MSN: variants seen among roughly 807,000 people sequenced by gnomAD.
MSN encodes epididymis luminal protein 70.
A neutral mutation model predicts 48.0 loss-of-function variants in MSN; 2 were observed. The ratio of observed to expected loss-of-function variants is 0.04; its 90% CI spans 0.02 to 0.13. The LOEUF is 0.13. Among genes scored for constraint, MSN ranks in the 10% least tolerant of loss-of-function variants. The probability of loss-of-function intolerance (pLI) is 1.00; values close to 1 mark genes in which losing one functional copy is unlikely to be tolerated. For synonymous variants in MSN, 146 were observed against 166.9 expected (o/e 0.87, Z 0.97); for missense variants, 267 against 470.1 (o/e 0.57, Z 3.99).
Position 65,736,791 on chromosome X carries a change from C to T in MSN, c.960-4C>T, listed in dbSNP as rs755991085. 8.6e-6 allele frequency: 10 copies of T among 1,161,313 alleles called. No individual in the cohort carries two copies. The African/African-American group carries it at 1.8e-4, about 21-fold the overall frequency. ...TGTTCTATCCATTTTATCTCCTTCC[C>T]TAGTGCTATGCTGGAAAATGAGAAG... On this transcript the variant is annotated splice_polypyrimidine_tract_variant and splice_region_variant and intron_variant, in intron 8 of 12. Transcript: ENST00000360270.
rs771930025 is a variant in MSN, at chrX:65,733,757, C to T, written c.795+477C>T. Among the ~76,000 whole-genome samples, 10 of 111,611 alleles carry T rather than the reference C, an allele frequency of 9.0e-5. No individual in the cohort carries two copies. In the East Asian group the frequency reaches 2.8e-3, roughly 32 times the overall value. ...CTGGAGTGCAGTGGTGCAATCTTGG[C>T]TCACTACAACCTCAGCCTCCCGAGT... On this transcript the variant is annotated intron_variant, in intron 7 of 12. Transcript: ENST00000360270.
intron 1 of MSN, among the ~76,000 whole-genome samples, chrX:65,689,293 G>A (rs2071147773): frequency 9.0e-6 from 1 of 111,724 alleles, no homozygotes; most frequent in African/African-American, 3.3e-5. Context: ...TACGGGAATG[G>A]TGGCACACAT....
intron 1 of MSN, chrX:65,716,406 G>T: frequency 5.0e-6 from 1 of 200,400 alleles, no homozygotes; most frequent in Non-Finnish European, 9.8e-6. Context: ...CTCCCAAGTA[G>T]CTTGAACTAC....
At chrX:65,628,479 A>G (rs1205883130) in intron 1 of MSN, among the ~76,000 whole-genome samples, 1 of 111,691 alleles carries the variant, frequency 9.0e-6, no homozygotes, top group Non-Finnish European at 1.9e-5. Context: ...GCTGGGACAC[A>G]GGGCACCAAG....
chrX:65,643,598 G>A (rs980039860), intron 1 of MSN, among the ~76,000 whole-genome samples: 2 of 112,013 alleles, frequency 1.8e-5, no homozygotes, highest in African/African-American at 6.5e-5. Flanking sequence ...ATTGGCCTGG[G>A]GTGGTGTCCA....
chrX:65,594,986 C>T (rs1018024725), intron 1 of MSN, among the ~76,000 whole-genome samples: 1 of 111,648 alleles, frequency 9.0e-6, no homozygotes, highest in Non-Finnish European at 1.9e-5. Flanking sequence ...CCCTGCAATA[C>T]TGAGTCCAAG....
At chrX:65,649,989 C>T (rs1031442307) in intron 1 of MSN, among the ~76,000 whole-genome samples, 2 of 105,800 alleles carry the variant, frequency 1.9e-5, no homozygotes, top group African/African-American at 3.5e-5. Flanking sequence ...AAAAAAAAAA[C>T]GTGCACATTG....
chrX:65,690,857 C>T (rs145686681), intron 1 of MSN, among the ~76,000 whole-genome samples: 88 of 111,735 alleles, frequency 7.9e-4, no homozygotes, highest in Non-Finnish European at 1.2e-3. Context: ...CAAGCTCTCG[C>T]GCATATTGGG....
At chrX:65,618,194 G>T (rs1238649373) in intron 1 of MSN, among the ~76,000 whole-genome samples, 1 of 111,855 alleles carries the variant, frequency 8.9e-6, no homozygotes, top group Non-Finnish European at 1.9e-5. Context: ...TTGATTTGGG[G>T]TGGAGAGTTC....
At chrX:65,656,546 G>T (rs1280979455) in intron 1 of MSN, among the ~76,000 whole-genome samples, 1 of 111,266 alleles carries the variant, frequency 9.0e-6, no homozygotes, top group Non-Finnish European at 1.9e-5. Flanking sequence ...AAGTGTTCTG[G>T]ACTCCTTCTG....
intron 1 of MSN, among the ~76,000 whole-genome samples, chrX:65,620,327 C>T (rs1335670291): frequency 9.3e-6 from 1 of 106,983 alleles, no homozygotes; most frequent in East Asian, 2.9e-4. Context: ...CCCCGCAGCT[C>T]CATCTCAGAG....
At chrX:65,687,332 A>G (rs1249917250) in intron 1 of MSN, among the ~76,000 whole-genome samples, 1 of 111,684 alleles carries the variant, frequency 9.0e-6, no homozygotes, top group African/African-American at 3.3e-5. Flanking sequence ...TGGGTGACAG[A>G]GCGAGACTCT....
At chrX:65,657,222 A>G (rs756771866) in intron 1 of MSN, among the ~76,000 whole-genome samples, 140 of 111,648 alleles carry the variant, frequency 1.3e-3, no homozygotes, top group African/African-American at 4.1e-3. Flanking sequence ...ACAAAAGACG[A>G]CGCCAACAGC....
At chrX:65,628,758 T>C (rs1383227574) in intron 1 of MSN, among the ~76,000 whole-genome samples, 3 of 111,259 alleles carry the variant, frequency 2.7e-5, no homozygotes, top group Non-Finnish European at 5.7e-5. Context: ...TTTATGCTGT[T>C]TCCTTTTTAA....
chrX:65,618,093 C>T (rs1257450201), intron 1 of MSN, among the ~76,000 whole-genome samples: 1 of 111,247 alleles, frequency 9.0e-6, no homozygotes, highest in Non-Finnish European at 1.9e-5. Flanking sequence ...AATTTCTGTT[C>T]TTTTACATTT....
At chrX:65,601,744 A>G (rs1214918146) in intron 1 of MSN, among the ~76,000 whole-genome samples, 1 of 112,929 alleles carries the variant, frequency 8.9e-6, no homozygotes, top group Non-Finnish European at 1.9e-5. Context: ...TTTGGGCTGC[A>G]ACAACAGGAA....
chrX:65,662,915 T>C (rs2070835220), upstream of MSN, among the ~76,000 whole-genome samples: 1 of 112,045 alleles, frequency 8.9e-6, no homozygotes, highest in African/African-American at 3.2e-5. Flanking sequence ...CTAGAATCTA[T>C]AGGGCACTTA....
chrX:65,622,069 A>C (rs947421011), intron 1 of MSN, among the ~76,000 whole-genome samples: 1 of 106,928 alleles, frequency 9.4e-6, no homozygotes, highest in African/African-American at 3.5e-5. Context: ...CTGTGAATAG[A>C]GGTAGTTTTA....
intron 1 of MSN, among the ~76,000 whole-genome samples, chrX:65,702,480 A>G (rs895227762): frequency 6.6e-5 from 7 of 105,930 alleles, no homozygotes; most frequent in Non-Finnish European, 7.8e-5. Context: ...AGCCTGGACA[A>G]CAGGGTGAAA....
Sources: gnomAD v4.1 joint callset for allele counts (sites outside exome capture counted in the v4.1 genomes callset) on GRCh38, gnomAD v4.1.1 for gene constraint, MANE v1.5 for transcripts, NCBI Gene and HGNC (gene_info 2026-07-23, HGNC 2026-07-21) for gene names.